Variants in KAZN observed in about 807,000 individuals in gnomAD.
The protein encoded by KAZN is kazrin, periplakin interacting protein.
A neutral mutation model predicts 87.4 loss-of-function variants in KAZN; 40 were observed. That is an observed-to-expected ratio of 0.46 (90% CI 0.36 to 0.60). KAZN has a LOEUF of 0.60. Among genes scored for constraint, KAZN ranks in the 20% least tolerant of loss-of-function variants. The pLI is 0.00. For synonymous variants in KAZN, 466 were observed against 458.3 expected, an observed-to-expected ratio of 1.02 and a Z score of -0.22; for missense variants, 898 against 1,073.9, an observed-to-expected ratio of 0.84 and a Z score of 2.29.
At chr1:14,825,059 G>T (rs1646845404) in intron 1 of KAZN, among the ~76,000 whole-genome samples, 1 of 152,252 alleles carries the variant, frequency 6.6e-6, no homozygotes, top group Non-Finnish European at 1.5e-5. Context: ...TGAAGCCGGG[G>T]GTTCACCCAC....
At chr1:14,329,655 G>A (rs558105908) in intron 2 of KAZN, among the ~76,000 whole-genome samples, 45 of 152,266 alleles carry the variant, frequency 3.0e-4, no homozygotes, top group Admixed American at 1.6e-3. Flanking sequence ...CAACTAGACA[G>A]CAAAAACAAT....
intron 1 of KAZN, among the ~76,000 whole-genome samples, chr1:13,957,269 T>C (rs747439768): frequency 1.3e-5 from 2 of 152,142 alleles, no homozygotes; most frequent in African/African-American, 2.4e-5. Flanking sequence ...TAAAATGATA[T>C]ATGCAGACTC....
chr1:14,620,335 C>G (rs748624174), intron 1 of KAZN, among the ~76,000 whole-genome samples: 1 of 152,206 alleles, frequency 6.6e-6, no homozygotes, highest in Admixed American at 6.5e-5. Context: ...GTATTCAATG[C>G]GTTCATTCAC....
In KAZN at chr1:14,579,325, T is replaced by G. The variant is rs139272592; in HGVS notation, c.250-19658T>G. ...CCATTAATGCCCCCAAATTGTGGTTTTTCCATATCTCCTGAGTAGTCTGGG... is the reference window on the plus strand; with the variant it reads ...CCATTAATGCCCCCAAATTGTGGTTGTTCCATATCTCCTGAGTAGTCTGGG... On this transcript the variant is annotated intron_variant, in intron 2 of 16. Transcript: ENST00000636203. Among the ~76,000 whole-genome samples, 604 of 152,318 alleles carry G rather than the reference T, an allele frequency of 4.0e-3. 26 individuals carry two copies. In the East Asian group the frequency reaches 0.075, roughly 19 times the overall value.
intron 1 of KAZN, among the ~76,000 whole-genome samples, chr1:14,018,030 T>C (rs76571348): frequency 0.012 from 1,802 of 152,268 alleles, 34 homozygotes; most frequent in African/African-American, 0.041. Context: ...GCCTCAACAC[T>C]TCCCTATGAT....
chr1:14,294,806 A>G (rs1653989416), intron 2 of KAZN, among the ~76,000 whole-genome samples: 1 of 151,772 alleles, frequency 6.6e-6, no homozygotes. Flanking sequence ...TGAAGCAACT[A>G]TCTGTGAGAA....
At chr1:14,018,395 C>A (rs1255229945) in intron 1 of KAZN, among the ~76,000 whole-genome samples, 1 of 152,118 alleles carries the variant, frequency 6.6e-6, no homozygotes, top group Non-Finnish European at 1.5e-5. Context: ...TTATCAATCT[C>A]CCAGTGTGAA....
intron 1 of KAZN, among the ~76,000 whole-genome samples, chr1:14,697,330 C>T (rs956234158): frequency 2.0e-5 from 3 of 149,684 alleles, no homozygotes; most frequent in Admixed American, 2.0e-4. Flanking sequence ...AACCTGTCTC[C>T]AAAAAAAATA....
At chr1:14,681,657 A>T (rs866194729) in intron 1 of KAZN, among the ~76,000 whole-genome samples, 118 of 8,520 alleles carry the variant, frequency 0.014, 1 homozygote, top group East Asian at 0.045. Context: ...ATATATATAT[A>T]TTTTTTTTTT....
intron 1 of KAZN, among the ~76,000 whole-genome samples, chr1:14,091,032 A>G (rs1237512420): frequency 6.6e-6 from 1 of 150,392 alleles, no homozygotes; most frequent in Non-Finnish European, 1.5e-5. Context: ...GAATTGCTTG[A>G]ACCCAGGAGG....
intron 1 of KAZN, among the ~76,000 whole-genome samples, chr1:14,658,528 A>G (rs1638941551): frequency 1.3e-5 from 2 of 152,168 alleles, no homozygotes; most frequent in Non-Finnish European, 2.9e-5. Flanking sequence ...GAAAAATGTC[A>G]GCTGGCCTCA....
At chr1:15,061,346 G>C (rs899463499) in intron 6 of KAZN, 1 of 152,130 alleles carries the variant, frequency 6.6e-6, no homozygotes, top group Non-Finnish European at 1.5e-5. Context: ...ATAATGAAAA[G>C]TGCTTATAAA....
chr1:14,096,194 A>AT (rs960402162), intron 1 of KAZN, among the ~76,000 whole-genome samples: 7 of 152,172 alleles, frequency 4.6e-5, no homozygotes, highest in Non-Finnish European at 7.3e-5. Flanking sequence ...TATTTACATA[A>AT]TTTTTTTAAA....
chr1:14,357,820 T>C (rs1449163777), intron 2 of KAZN, among the ~76,000 whole-genome samples: 4 of 152,192 alleles, frequency 2.6e-5, no homozygotes, highest in South Asian at 2.1e-4. Context: ...CTGGATTCGG[T>C]TTGCCAGTAT....
chr1:15,099,555 G>A lies in KAZN; in HGVS notation c.1548-1988G>A, dbSNP rs1030563797. On this transcript the variant is annotated intron_variant, in intron 10 of 14. Transcript: ENST00000376030. The surrounding 1 kb of genome is among the most constrained non-coding windows in gnomAD (Gnocchi z 5.4). ...CTGGCCGGGGAGGGGAATGGGGGGT[G>A]AAGAGCTCAGTGCCTCCAGGAAACG... 1.3e-5 allele frequency among the ~76,000 whole-genome samples: 2 copies of A among 152,112 alleles called. No homozygotes were observed. Among genetic ancestry groups the A allele is most frequent in the African/African-American group, 4.8e-5 (2 of 41,420 alleles).
At position 15,082,108 on chromosome 1, in the gene KAZN, C is replaced by T. The variant is rs145947429; in HGVS notation, c.1223-12072C>T. 4.4e-3 allele frequency among the ~76,000 whole-genome samples: 676 copies of T among 152,202 alleles called. 6 individuals carry two copies. Among genetic ancestry groups the T allele is most frequent in the African/African-American group, 0.016 (647 of 41,512 alleles). ...GGGGACGTTGCAACCTTAGCCTGCC[C>T]TCACCAAGCTCACTGCCTCAACTCT... On this transcript the variant is annotated intron_variant, in intron 8 of 14. Transcript: ENST00000376030.
At chr1:15,095,811 G>A (rs1169680620) in intron 10 of KAZN, among the ~76,000 whole-genome samples, 3 of 152,132 alleles carry the variant, frequency 2.0e-5, no homozygotes, top group Non-Finnish European at 2.9e-5. Context: ...GTGGAAAATC[G>A]GCTGGTTTGG....
chr1:14,830,297 G>GA (rs1161140170), intron 1 of KAZN, among the ~76,000 whole-genome samples: 1 of 152,160 alleles, frequency 6.6e-6, no homozygotes, highest in Non-Finnish European at 1.5e-5. Flanking sequence ...GGGCCAGAGG[G>GA]AAAAATGACA....
chr1:14,187,446 C>A (rs117355363), intron 2 of KAZN, among the ~76,000 whole-genome samples: 9 of 152,142 alleles, frequency 5.9e-5, no homozygotes, highest in African/African-American at 9.7e-5. Context: ...TTACAGCCCC[C>A]TACCTCACAT....
Sources: gnomAD v4.1 joint callset for allele counts (sites outside exome capture counted in the v4.1 genomes callset) on GRCh38, gnomAD v4.1.1 for gene constraint, Gnocchi (gnomAD v3.1) non-coding constraint, MANE v1.5 for transcripts, NCBI Gene and HGNC (gene_info 2026-07-23, HGNC 2026-07-21) for gene names.